The following RPL3L variants were observed in gnomAD, a reference collection of about 807,000 sequenced individuals.
The protein encoded by RPL3L is ribosomal protein L3 like, also known as ribosomal protein uL3-like.
RPL3L carries 44 observed loss-of-function variants against 44.5 expected under a neutral mutation model. That is an observed-to-expected ratio of 0.99 (90% confidence interval 0.78 to 1.27). RPL3L has a LOEUF of 1.27. Ranked by LOEUF, RPL3L falls within the 50% of genes most tolerant of loss-of-function variation. The pLI is 0.00. For missense variants in RPL3L, 631 were observed against 569.1 expected (o/e 1.11, Z -1.11); for synonymous variants, 292 against 230.7 (o/e 1.27, Z -2.41).
chr16:1,945,643 C>T, intron 8 of RPL3L, 25 bp from the exon 9 acceptor site: 1 of 1,613,444 alleles, frequency 6.2e-7, no homozygotes, highest in Non-Finnish European at 8.5e-7. Context: ...GTAAAGTAAA[C>T]ATCAAGTGTG....
At chr16:1,947,123 TGAGAG>T in intron 5 of RPL3L, 25 bp from the exon 6 acceptor site, 1 of 1,613,222 alleles carries the variant, frequency 6.2e-7, no homozygotes, top group Non-Finnish European at 8.5e-7. Flanking sequence ...GGCTGGTGGC[TGAGAG>T]GCCAGGCTGG....
Position 1,946,975 on chromosome 16 carries a change from T to C in RPL3L, c.812A>G (p.Gln271Arg). 2 of 1,609,942 alleles carry C rather than the reference T, an allele frequency of 1.2e-6. No homozygotes were observed. Among genetic ancestry groups the C allele is most frequent in the Admixed American group, 1.7e-5 (1 of 59,758 alleles). ...CTCCGTGCGGTGGTGATAGCCCTTCTGCCCGGCCCGAGCAATGGAGCAGCC... is the reference window on the plus strand; with the variant it reads ...CTCCGTGCGGTGGTGATAGCCCTTCCGCCCGGCCCGAGCAATGGAGCAGCC... ...RVGCSIARAG[Q>R]KGYHHRTELN... is the part of the protein sequence containing the mutation. Residue 271 changes from glutamine to arginine, a missense_variant, in exon 6 of 10, where the codon CAG becomes CGG. Gln to Arg is a conservative substitution (Grantham distance 43, BLOSUM62 1). Transcript: ENST00000268661.
rs758361406 is a variant in RPL3L at position 1,947,042 on chromosome 16, G to A, written c.745C>T (p.Arg249Cys). The A allele has an allele frequency of 1.8e-5, 29 of 1,613,084 alleles. No homozygotes were observed. In the South Asian group the frequency reaches 2.0e-4, roughly 11 times the overall value. ...KLPRKTHKGLRKVACIGAWHP... is the reference protein window; with the variant it reads ...KLPRKTHKGLCKVACIGAWHP... ...CAGGCGCCAATGCAGGCCACCTTGC[G>A]CAGGCCCTTATGGGTCTTCCGCGGC... Residue 249 changes from arginine (R) to cysteine (C), a missense_variant, in exon 6 of 10, where the codon CGC becomes TGC. Arg to Cys is a radical substitution (Grantham distance 180). Coordinates refer to ENST00000268661, the MANE Select transcript of RPL3L (RefSeq NM_005061.3).
Position 1,944,866 on chromosome 16 carries a change from C to G in RPL3L, c.1195G>C (p.Glu399Gln), listed in dbSNP as rs2083108638. 6.2e-7 allele frequency: 1 copy of G among 1,613,970 alleles called. No homozygotes were observed. The highest frequency in any genetic ancestry group is 8.5e-7 in the Non-Finnish European group (1 of 1,180,034). The change falls in exon 10 of 10, where the codon GAA becomes CAA. Residue 399 changes from glutamate (E) to glutamine (Q), a missense_variant. Physicochemically the swap from Glu to Gln is conservative, Grantham distance 29. Transcript: ENST00000268661. Reference protein sequence around the residue: ...MGPQKKHLEKETPETSGDL With the variant: ...MGPQKKHLEKQTPETSGDL ...AAGTCTCCCGAGGTCTCCGGCGTTTCCTTCTCCAGATGCTTCTTTTGGGGG... is the reference window on the plus strand; with the variant it reads ...AAGTCTCCCGAGGTCTCCGGCGTTTGCTTCTCCAGATGCTTCTTTTGGGGG...
Position 1,954,685 on chromosome 16 carries a change from C to T in RPL3L, c.-54G>A, listed in dbSNP as rs1025372095. Reference sequence around the variant, plus strand: ...GGCCTCGCCGCTAGCCGCCAGAGGTCGAGTGGCAGGGCCAGGACTCACAGC... The same window carrying T: ...GGCCTCGCCGCTAGCCGCCAGAGGTTGAGTGGCAGGGCCAGGACTCACAGC... On this transcript the variant is annotated 5_prime_UTR_variant, in exon 1 of 10. Transcript: ENST00000268661. 1.6e-5 allele frequency: 23 copies of T among 1,482,804 alleles called. No homozygotes were observed. The highest frequency in any genetic ancestry group is 2.1e-5 in the Non-Finnish European group (23 of 1,114,210). The allele number at this position is 1,482,804 out of a possible 1,614,324, so 91.9% of individuals were successfully genotyped here.
intron 4 of RPL3L, among the ~76,000 whole-genome samples, chr16:1,947,867 C>T (rs1466123748): frequency 3.4e-5 from 5 of 149,228 alleles, no homozygotes; most frequent in Non-Finnish European, 4.5e-5. Flanking sequence ...GAGCAAGGGG[C>T]GTGGGCCAGC....
rs779727034 is a variant in RPL3L, at chr16:1,953,999, C to A, written c.153G>T (p.Ala51=). The change falls in exon 2 of 10, where the codon GCG becomes GCT. Residue 51 remains alanine, a synonymous_variant. Transcript: ENST00000268661. ...VHLTAFLGYK[A]GMTHTLREVH... ...CCTCCCGCAGGGTGTGGGTCATGCC[C>A]GCCTTGTAGCCCAGGAAGGCCGTGA... 1 of 1,598,152 alleles carries A rather than the reference C, an allele frequency of 6.3e-7. No individual in the cohort carries two copies. Among genetic ancestry groups the A allele is most frequent in the Non-Finnish European group, 8.5e-7 (1 of 1,170,912 alleles).
Position 1,944,582 on chromosome 16 carries a change from T to C in RPL3L, c.*255A>G. 1 of 356,134 alleles carries C rather than the reference T, an allele frequency of 2.8e-6. No individual in the cohort carries two copies. The highest frequency in any genetic ancestry group is 4.2e-5 in the South Asian group (1 of 23,770). 22.1% of individuals were successfully genotyped at this position (356,134 alleles called of 1,614,324 possible). The stretch of plus-strand genomic sequence containing the variant: ...AAAAAAACCTCTGCTCCGCAAATGC[T>C]CAAAGAGATCGATTTGAGTAATAAT... On this transcript the variant is annotated 3_prime_UTR_variant, in exon 10 of 10. Transcript: ENST00000268661.
rs755843701 is a variant in RPL3L at position 1,947,425 on chromosome 16, AC to A, written c.502-46del. ...GTCACGCCACGGCCCACGGGATCAC[AC>A]CCCCACCTGAAACATGGCATGGCCA... On this transcript the variant is annotated intron_variant, in intron 4 of 9. Transcript: ENST00000268661. 2.0e-6 allele frequency: 3 copies of A among 1,476,618 alleles called. No individual in the cohort carries two copies. The East Asian group carries it at 7.2e-5, about 36-fold the overall frequency. 91.5% of individuals were successfully genotyped at this position (1,476,618 alleles called of 1,614,324 possible).
At chr16:1,947,545 C>A (rs978191232) in intron 4 of RPL3L, among the ~76,000 whole-genome samples, 165 bp from the exon 5 acceptor site, 4 of 152,220 alleles carry the variant, frequency 2.6e-5, no homozygotes, top group African/African-American at 9.7e-5. Flanking sequence ...CACTGCGGAT[C>A]CGGTGCAGAA....
intron 2 of RPL3L, among the ~76,000 whole-genome samples, chr16:1,953,354 C>T (rs554977220): frequency 5.8e-4 from 89 of 152,178 alleles, no homozygotes; most frequent in African/African-American, 7.7e-4. Flanking sequence ...CAAGTAGCTG[C>T]GACTACAGGC....
At position 1,944,735 on chromosome 16, in the gene RPL3L, A is replaced by T; in HGVS notation, c.*102T>A. 6.7e-7 allele frequency: 1 copy of T among 1,492,020 alleles called. No individual in the cohort carries two copies. The highest frequency in any genetic ancestry group is 9.3e-7 in the Non-Finnish European group (1 of 1,070,734). 92.4% of individuals were successfully genotyped at this position (1,492,020 alleles called of 1,614,324 possible). On this transcript the variant is annotated 3_prime_UTR_variant, in exon 10 of 10. Coordinates refer to ENST00000268661, the MANE Select transcript of RPL3L (RefSeq NM_005061.3). ...GGCAAGGTGAACCCCTTGGGCGGTT[A>T]CACAGCGCTCTGAGACCTCGCAGGA...
At chr16:1,954,332 G>A (rs1192571634) in intron 1 of RPL3L, among the ~76,000 whole-genome samples, 184 bp from the exon 2 acceptor site, 1 of 152,094 alleles carries the variant, frequency 6.6e-6, no homozygotes, top group East Asian at 1.9e-4. Flanking sequence ...TCTTTGGGAT[G>A]GGGTCTCCAT....
intron 3 of RPL3L, among the ~76,000 whole-genome samples, chr16:1,952,395 G>A (rs1047516595): frequency 3.9e-5 from 6 of 151,932 alleles, no homozygotes; most frequent in African/African-American, 1.5e-4. Context: ...TCTTGAGATT[G>A]AGACAGGGTT....
chr16:1,949,349 T>C (rs1265621884), intron 4 of RPL3L, among the ~76,000 whole-genome samples: 1 of 140,418 alleles, frequency 7.1e-6, no homozygotes, highest in Non-Finnish European at 1.5e-5. Flanking sequence ...CACCTCCCAG[T>C]TTCAAGTGAT....
In RPL3L at chr16:1,946,636, T is replaced by G. The variant is rs373826913; in HGVS notation, c.940A>C (p.Ile314Leu). The G allele has an allele frequency of 1.2e-6, 2 of 1,612,520 alleles. No homozygotes were observed. Among genetic ancestry groups the G allele is most frequent in the East Asian group, 4.5e-5 (2 of 44,878 alleles). Residue 314 changes from isoleucine to leucine, a missense_variant, in exon 7 of 10, where the codon ATC becomes CTC. Physicochemically the swap from Ile to Leu is conservative, Grantham distance 5. Coordinates refer to ENST00000268661, the MANE Select transcript of RPL3L (RefSeq NM_005061.3). ...STSYDVTAKS[I>L]TPLGGFPHYG... ...CCTCCCAGCCTCACCAGCGGTGTGA[T>G]GGACTTGGCAGTCACGTCGTAGCTG...
At chr16:1,954,279 T>C in intron 1 of RPL3L, 131 bp from the exon 2 acceptor site, 2 of 1,020,096 alleles carry the variant, frequency 2.0e-6, no homozygotes, top group Non-Finnish European at 2.8e-6. Context: ...ACCTCCCCTG[T>C]CTGCCTACAG....
intron 3 of RPL3L, among the ~76,000 whole-genome samples, chr16:1,952,577 T>C (rs980024726): frequency 3.3e-5 from 5 of 152,000 alleles, no homozygotes; most frequent in Admixed American, 1.3e-4. Context: ...GGTTTCACCA[T>C]GTTGGCCAAG....
chr16:1,954,493 G>C lies in RPL3L; in HGVS notation c.3+136C>G, dbSNP rs1158375543. On this transcript the variant is annotated intron_variant, in intron 1 of 9. Coordinates refer to ENST00000268661, the MANE Select transcript of RPL3L (RefSeq NM_005061.3). ...CCAGGAGCCCAGCCCTCGTCCCCTTGTTTCCCCCTCCAGCCTCCCATCCCC... is the reference window on the plus strand; with the variant it reads ...CCAGGAGCCCAGCCCTCGTCCCCTTCTTTCCCCCTCCAGCCTCCCATCCCC... 40 of 1,038,182 alleles carry C rather than the reference G, an allele frequency of 3.9e-5. No individual in the cohort carries two copies. The Admixed American group carries it at 1.3e-3, about 32-fold the overall frequency. The allele number at this position is 1,038,182 out of a possible 1,614,324, so 64.3% of individuals were successfully genotyped here. A position where few individuals can be genotyped will look rare whatever the true frequency, so the allele number is the denominator to read the frequency against.
Sources: allele counts gnomAD v4.1 joint callset (sites outside exome capture counted in the v4.1 genomes callset), GRCh38; gene constraint gnomAD v4.1.1; transcripts MANE v1.5; gene names NCBI Gene and HGNC (gene_info 2026-07-23, HGNC 2026-07-21).